ERBB4: variants seen among roughly 807,000 people sequenced by gnomAD.
ERBB4 encodes erb-b2 receptor tyrosine kinase 4.
Under a neutral mutation model 158.0 loss-of-function variants are expected in ERBB4, and 42 were observed. The observed-to-expected ratio is 0.27, with a 90% CI of 0.21 to 0.34. ERBB4 has a LOEUF of 0.34. Ranked by LOEUF, ERBB4 falls within the 10% of genes least tolerant of loss-of-function variation. The probability of loss-of-function intolerance (pLI) is 1.00; values close to 1 mark genes in which losing one functional copy is unlikely to be tolerated. For synonymous variants in ERBB4, 583 were observed against 558.7 expected (o/e 1.04, Z -0.61); for missense variants, 1,333 against 1,624.1 (o/e 0.82, Z 3.08).
At chr2:212,461,445 A>G (rs577711133) in intron 1 of ERBB4, among the ~76,000 whole-genome samples, 2 of 152,214 alleles carry the variant, frequency 1.3e-5, no homozygotes, top group South Asian at 4.2e-4. Flanking sequence ...CATGCATGGG[A>G]CCTGTAGCCC....
rs140834640 is a variant in ERBB4, at chr2:211,834,073, A to T, written c.422-45914T>A. ...ACTGACAATATGTCATCCTTCCGCA[A>T]TTTGCTACCATGTCAGTTTGCTTCA... On this transcript the variant is annotated intron_variant, in intron 3 of 27. Transcript: ENST00000342788. 8.4e-4 allele frequency among the ~76,000 whole-genome samples: 128 copies of T among 152,202 alleles called. No homozygotes were observed. In the East Asian group the frequency reaches 0.023, roughly 28 times the overall value.
intron 13 of ERBB4, among the ~76,000 whole-genome samples, chr2:211,676,148 T>C (rs1475389018): frequency 6.6e-6 from 1 of 152,148 alleles, no homozygotes; most frequent in Non-Finnish European, 1.5e-5. Context: ...AAGGCTATCA[T>C]AACCATCAGC....
At position 211,556,555 on chromosome 2, in the gene ERBB4, A is replaced by G. The variant is rs577400808; in HGVS notation, c.2487+5348T>C. Among the ~76,000 whole-genome samples, 36 of 152,256 alleles carry G rather than the reference A, an allele frequency of 2.4e-4. No individual in the cohort carries two copies. The South Asian group carries it at 7.1e-3, about 30-fold the overall frequency. ...ACTTTTTGTGGGTACATAGGTGTAT[A>G]TACTTACAGGGTACAGAATATACAT... On this transcript the variant is annotated intron_variant, in intron 20 of 27. Coordinates refer to ENST00000342788, the MANE Select transcript of ERBB4 (RefSeq NM_005235.3).
intron 1 of ERBB4, among the ~76,000 whole-genome samples, chr2:212,485,752 T>C (rs1224295835): frequency 2.6e-5 from 4 of 152,002 alleles, no homozygotes; most frequent in Admixed American, 6.6e-5. Flanking sequence ...TGCCGGGAAG[T>C]TCAAGGTCAA....
At chr2:212,315,895 C>T (rs929766613) in intron 1 of ERBB4, among the ~76,000 whole-genome samples, 4 of 151,432 alleles carry the variant, frequency 2.6e-5, no homozygotes, top group African/African-American at 9.7e-5. Context: ...GACATATGTA[C>T]ATTACAATAT....
intron 1 of ERBB4, among the ~76,000 whole-genome samples, chr2:212,394,105 T>C (rs1476082762): frequency 6.6e-6 from 1 of 152,166 alleles, no homozygotes; most frequent in African/African-American, 2.4e-5. Flanking sequence ...TTTTCTATTG[T>C]GCTTGAGTCC....
At chr2:212,230,293 G>A (rs6724508) in intron 1 of ERBB4, among the ~76,000 whole-genome samples, 80,812 of 151,718 alleles carry the variant, frequency 0.53, 21,760 homozygotes, top group East Asian at 0.76. Flanking sequence ...GAAAAAAAAG[G>A]AAAAAGAATA....
chr2:212,215,523 T>C (rs910781647), intron 1 of ERBB4, among the ~76,000 whole-genome samples: 3 of 151,374 alleles, frequency 2.0e-5, no homozygotes, highest in African/African-American at 4.8e-5. Context: ...ATATTTTATA[T>C]AGCATGAAAT....
At chr2:212,095,030 C>A (rs1267144728) in intron 2 of ERBB4, among the ~76,000 whole-genome samples, 1 of 151,838 alleles carries the variant, frequency 6.6e-6, no homozygotes, top group Admixed American at 6.6e-5. Flanking sequence ...TCTACGTAAA[C>A]ATCAAAAGTA....
chr2:211,404,783 G>A (rs2063116045), intron 25 of ERBB4, among the ~76,000 whole-genome samples: 1 of 152,078 alleles, frequency 6.6e-6, no homozygotes, highest in African/African-American at 2.4e-5. Flanking sequence ...GAAAAAGGCA[G>A]AGAGAGAAGA....
In ERBB4 at chr2:211,697,068, A is replaced by G. The variant is rs185798065; in HGVS notation, c.1489+4899T>C. 9.8e-4 allele frequency among the ~76,000 whole-genome samples: 150 copies of G among 152,316 alleles called. 1 individual carries two copies. Among genetic ancestry groups the G allele is most frequent in the African/African-American group, 3.5e-3 (145 of 41,576 alleles). ...TTCAAATCCTTAATCGGATTTTAGTAGCTCCAAAACTGGAAATATCATTTA... is the reference window on the plus strand; with the variant it reads ...TTCAAATCCTTAATCGGATTTTAGTGGCTCCAAAACTGGAAATATCATTTA... On this transcript the variant is annotated intron_variant, in intron 12 of 27. Coordinates refer to ENST00000342788, the MANE Select transcript of ERBB4 (RefSeq NM_005235.3).
intron 1 of ERBB4, among the ~76,000 whole-genome samples, chr2:212,263,828 C>G (rs944593035): frequency 6.6e-6 from 1 of 151,526 alleles, no homozygotes; most frequent in Non-Finnish European, 1.5e-5. Flanking sequence ...TAATTAGATT[C>G]TCTCACATTC....
chr2:211,544,874 T>C lies in ERBB4; in HGVS notation c.2487+17029A>G, dbSNP rs145198058. On this transcript the variant is annotated intron_variant, in intron 20 of 27. Coordinates refer to ENST00000342788, the MANE Select transcript of ERBB4 (RefSeq NM_005235.3). Reference sequence around the variant, plus strand: ...ACACAAGGGTCATTACTTTCCCTTATGGTTTACTGCCGTGGATTGTCATTA... The same window carrying C: ...ACACAAGGGTCATTACTTTCCCTTACGGTTTACTGCCGTGGATTGTCATTA... Among the ~76,000 whole-genome samples, 324 of 152,222 alleles carry C rather than the reference T, an allele frequency of 2.1e-3. 2 individuals are homozygous for C. The highest frequency in any genetic ancestry group is 7.0e-3 in the African/African-American group (291 of 41,568).
chr2:211,700,004 TG>T (rs1212652397), intron 12 of ERBB4, among the ~76,000 whole-genome samples: 12 of 152,190 alleles, frequency 7.9e-5, no homozygotes, highest in African/African-American at 2.9e-4. Flanking sequence ...ATTTGCAAAC[TG>T]ATTAAGTGCA....
intron 1 of ERBB4, among the ~76,000 whole-genome samples, chr2:212,153,752 A>G (rs551566160): frequency 1.3e-5 from 2 of 152,276 alleles, no homozygotes; most frequent in Admixed American, 1.3e-4. Context: ...GCCTTCTACC[A>G]TATATTTTGT....
At chr2:212,125,050 C>A in intron 1 of ERBB4, 147 bp from the exon 2 acceptor site, 3 of 856,106 alleles carry the variant, frequency 3.5e-6, no homozygotes, top group East Asian at 2.7e-5. Context: ...AGGCATAGAC[C>A]CACGCACTGA....
At chr2:212,450,458 G>C (rs756675963) in intron 1 of ERBB4, among the ~76,000 whole-genome samples, 1 of 152,150 alleles carries the variant, frequency 6.6e-6, no homozygotes, top group African/African-American at 2.4e-5. Context: ...GCATACTGGA[G>C]TGATGAGATT....
chr2:211,957,148 C>T (rs971093799), intron 2 of ERBB4, among the ~76,000 whole-genome samples: 1 of 152,086 alleles, frequency 6.6e-6, no homozygotes, highest in Admixed American at 6.6e-5. Context: ...ATAATGTATA[C>T]GCTGAAGTCC....
intron 27 of ERBB4, among the ~76,000 whole-genome samples, chr2:211,386,346 T>C (rs539199704): frequency 1.6e-4 from 25 of 152,314 alleles, no homozygotes; most frequent in African/African-American, 5.5e-4. Context: ...AAAAACGTCA[T>C]ATAAGAACAT....
Sources: allele counts gnomAD v4.1 joint callset (sites outside exome capture counted in the v4.1 genomes callset), GRCh38; gene constraint gnomAD v4.1.1; transcripts MANE v1.5; gene names NCBI Gene and HGNC (gene_info 2026-07-23, HGNC 2026-07-21).